PNPLA1: variants seen among roughly 807,000 people sequenced by gnomAD.
PNPLA1 encodes patatin like domain 1, omega-hydroxyceramide transacylase, also known as omega-hydroxyceramide transacylase.
A neutral mutation model predicts 51.7 loss-of-function variants in PNPLA1; 36 were observed. The observed-to-expected ratio is 0.70, with a 90% CI of 0.53 to 0.92. The LOEUF (loss-of-function observed/expected upper bound fraction) is 0.92. Ranked by LOEUF, PNPLA1 falls within the 40% of genes least tolerant of loss-of-function variation. PNPLA1 has a pLI of 0.00. For synonymous variants in PNPLA1, 293 were observed against 280.1 expected, an observed-to-expected ratio of 1.05 and a Z score of -0.46; for missense variants, 658 against 682.5, an observed-to-expected ratio of 0.96 and a Z score of 0.40.
chr6:36,245,666 C>G (rs776376022), intron 1 of PNPLA1, among the ~76,000 whole-genome samples: 1 of 152,230 alleles, frequency 6.6e-6, no homozygotes, highest in Non-Finnish European at 1.5e-5. Flanking sequence ...GGAGCTGCAT[C>G]CGCTCTTCTG....
intron 1 of PNPLA1, among the ~76,000 whole-genome samples, chr6:36,253,535 GTGTGAT>G (rs1769467563): frequency 6.6e-6 from 1 of 152,038 alleles, no homozygotes; most frequent in South Asian, 2.1e-4. Flanking sequence ...AGATGCAGTG[GTGTGAT>G]CATAGCTTAC....
chr6:36,258,168 A>C (rs573967898), intron 1 of PNPLA1, among the ~76,000 whole-genome samples: 1 of 152,276 alleles, frequency 6.6e-6, no homozygotes, highest in Admixed American at 6.5e-5. Context: ...TTAGCCATGC[A>C]GCTTGGAGTC....
chr6:36,281,473 A>G (rs1770280393), intron 1 of PNPLA1, among the ~76,000 whole-genome samples: 1 of 152,206 alleles, frequency 6.6e-6, no homozygotes, highest in Non-Finnish European at 1.5e-5. Context: ...CATATGCATC[A>G]TTTACTCTAA....
intron 1 of PNPLA1, among the ~76,000 whole-genome samples, chr6:36,288,781 A>G (rs1478847327): frequency 6.6e-6 from 1 of 152,016 alleles, no homozygotes; most frequent in Admixed American, 6.5e-5. Context: ...TTAAAAAAAT[A>G]AAAAAATCAG....
intron 5 of PNPLA1, among the ~76,000 whole-genome samples, chr6:36,298,321 T>C (rs528520036): frequency 2.2e-4 from 33 of 152,342 alleles, no homozygotes; most frequent in East Asian, 1.3e-3. Context: ...TGAGTCTTGG[T>C]GTGGACATAT....
At chr6:36,280,506 T>C (rs1770247272) in intron 1 of PNPLA1, among the ~76,000 whole-genome samples, 1 of 152,204 alleles carries the variant, frequency 6.6e-6, no homozygotes, top group African/African-American at 2.4e-5. Flanking sequence ...CTGTGTTTTT[T>C]CACCCAGATC....
At chr6:36,262,866 A>G (rs151204847) in intron 1 of PNPLA1, among the ~76,000 whole-genome samples, 1 of 152,152 alleles carries the variant, frequency 6.6e-6, no homozygotes, top group East Asian at 1.9e-4. Flanking sequence ...CCATTGATAT[A>G]CTTTTAGGTT....
In PNPLA1 at chr6:36,302,427, G is replaced by T; in HGVS notation, c.1342G>T (p.Ala448Ser). ...CCGAAGTTCTCTTTCAGCCTTCCCT[G>T]CTCAGCCACCTGTGGAGGAACTAGG... ...LPRSSLSAFP[A>S]QPPVEELGQE... The change falls in exon 6 of 9, where the codon GCT becomes TCT. Residue 448 changes from alanine to serine, a missense_variant. Ala to Ser is a moderately conservative substitution (Grantham distance 99). Coordinates refer to ENST00000636260, the MANE Select transcript of PNPLA1 (RefSeq NM_001374623.1). 6.4e-7 allele frequency: 1 copy of T among 1,565,058 alleles called. No homozygotes were observed. Among genetic ancestry groups the T allele is most frequent in the Non-Finnish European group, 8.7e-7 (1 of 1,154,268 alleles).
chr6:36,278,605 G>A (rs1396796813), intron 1 of PNPLA1, among the ~76,000 whole-genome samples: 4 of 152,268 alleles, frequency 2.6e-5, no homozygotes, highest in South Asian at 4.1e-4. Context: ...CTGAAGCCCC[G>A]GCTGCACTAG....
rs70975141 is a variant in PNPLA1, at chr6:36,282,088, A to AGAAGGAAGGAAG, written c.206-9192_206-9181dup. Among the ~76,000 whole-genome samples, 126 of 98,864 alleles carry AGAAGGAAGGAAG rather than the reference A, an allele frequency of 1.3e-3. 2 individuals are homozygous for AGAAGGAAGGAAG. The highest frequency in any genetic ancestry group is 1.7e-3 in the Admixed American group (17 of 9,934). The allele number at this position is 98,864 out of a possible 152,430, so 64.9% of individuals were successfully genotyped here. A position where few individuals can be genotyped will look rare whatever the true frequency, so the allele number is the denominator to read the frequency against. On this transcript the variant is annotated intron_variant, in intron 1 of 8. Coordinates refer to ENST00000636260, the MANE Select transcript of PNPLA1 (RefSeq NM_001374623.1). Reference sequence around the variant, plus strand: ...AAGAAAGAAAGAAAGAAAGAAAGAAAGAAGGAAGGAAGGAAGGAAGGAAGG... The same window carrying AGAAGGAAGGAAG: ...AAGAAAGAAAGAAAGAAAGAAAGAAAGAAGGAAGGAAGGAAGGAAGGAAGGAAGGAAGGAAGG...
chr6:36,289,586 A>G (rs968182629), intron 1 of PNPLA1, among the ~76,000 whole-genome samples: 2 of 149,450 alleles, frequency 1.3e-5, no homozygotes, highest in Non-Finnish European at 3.0e-5. Flanking sequence ...CCTGCTACAC[A>G]TATGCAGGTG....
intron 1 of PNPLA1, among the ~76,000 whole-genome samples, chr6:36,260,828 C>A (rs1051335492): frequency 2.6e-5 from 4 of 152,006 alleles, no homozygotes; most frequent in African/African-American, 4.8e-5. Context: ...TGATTTTTTT[C>A]TGGGGCAGGG....
rs115810080 is a variant in PNPLA1 at position 36,300,680 on chromosome 6, T to C, written c.776-1181T>C. ...CCAACATGACGTATCCCTGCTGATG[T>C]TGACCATGACCGCCTGGCCGAGGTA... On this transcript the variant is annotated intron_variant, in intron 5 of 8. Transcript: ENST00000636260. Among the ~76,000 whole-genome samples, 504 of 152,304 alleles carry C rather than the reference T, an allele frequency of 3.3e-3. 2 individuals carry two copies. The highest frequency in any genetic ancestry group is 0.011 in the African/African-American group (444 of 41,560).
chr6:36,274,333 G>A lies in PNPLA1; in HGVS notation c.205+3669G>A, dbSNP rs151035300. Among the ~76,000 whole-genome samples, 9 of 152,298 alleles carry A rather than the reference G, an allele frequency of 5.9e-5. No individual in the cohort carries two copies. The East Asian group carries it at 1.5e-3, about 26-fold the overall frequency. On this transcript the variant is annotated intron_variant, in intron 1 of 8. Coordinates refer to ENST00000636260, the MANE Select transcript of PNPLA1 (RefSeq NM_001374623.1). Reference sequence around the variant, plus strand: ...CTGCTTAACAATGCGATGTTAAGGGGTGAGGAGGCAGGGTCGGGGAGTCTC... The same window carrying A: ...CTGCTTAACAATGCGATGTTAAGGGATGAGGAGGCAGGGTCGGGGAGTCTC...
At chr6:36,258,006 G>C (rs922070010) in intron 1 of PNPLA1, among the ~76,000 whole-genome samples, 1 of 152,026 alleles carries the variant, frequency 6.6e-6, no homozygotes, top group African/African-American at 2.4e-5. Flanking sequence ...TTTTATTTTT[G>C]TAGAGATGAG....
Position 36,313,740 on chromosome 6 carries a change from G to A in PNPLA1, c.*1854G>A, listed in dbSNP as rs1236057903. 6.6e-6 allele frequency among the ~76,000 whole-genome samples: 1 copy of A among 152,182 alleles called. No homozygotes were observed. Among genetic ancestry groups the A allele is most frequent in the African/African-American group, 2.4e-5 (1 of 41,442 alleles). On this transcript the variant is annotated 3_prime_UTR_variant, in exon 9 of 9. Transcript: ENST00000636260. Reference sequence around the variant, plus strand: ...GGCCGCAGGCCTTTCTTCCAGGAGTGGCCTCCATGTTTGCAGAAGCCTGAG... The same window carrying A: ...GGCCGCAGGCCTTTCTTCCAGGAGTAGCCTCCATGTTTGCAGAAGCCTGAG...
intron 1 of PNPLA1, among the ~76,000 whole-genome samples, chr6:36,244,243 C>T (rs1769214089): frequency 6.6e-6 from 1 of 152,122 alleles, no homozygotes. Context: ...CCTACTATTT[C>T]CCAGTTTTCC....
intron 3 of PNPLA1, among the ~76,000 whole-genome samples, chr6:36,293,364 G>C (rs574531690): frequency 3.3e-5 from 5 of 152,192 alleles, no homozygotes; most frequent in Non-Finnish European, 7.4e-5. Flanking sequence ...TGCCAAGCCG[G>C]GCAAATCAAG....
chr6:36,264,044 G>A (rs1769710640), intron 1 of PNPLA1, among the ~76,000 whole-genome samples: 2 of 152,116 alleles, frequency 1.3e-5, no homozygotes, highest in Non-Finnish European at 1.5e-5. Context: ...CCCCATGACC[G>A]AACCTGGAGC....
Sources: allele counts gnomAD v4.1 joint callset (sites outside exome capture counted in the v4.1 genomes callset), GRCh38; gene constraint gnomAD v4.1.1; transcripts MANE v1.5; gene names NCBI Gene and HGNC (gene_info 2026-07-23, HGNC 2026-07-21).